BCKDHB: variants seen among roughly 807,000 people sequenced by gnomAD.
BCKDHB encodes the protein branched chain keto acid dehydrogenase E1 subunit beta.
In BCKDHB, 41 loss-of-function variants were observed where a neutral mutation model predicts 48.5. The ratio of observed to expected loss-of-function variants is 0.85; its 90% CI spans 0.66 to 1.10. BCKDHB has a LOEUF of 1.10. Ranked by LOEUF, BCKDHB falls within the 50% of genes least tolerant of loss-of-function variation. The probability of loss-of-function intolerance (pLI) is 0.00; values close to 1 mark genes in which losing one functional copy is unlikely to be tolerated. For missense variants in BCKDHB, 496 were observed against 494.2 expected, an observed-to-expected ratio of 1.00 and a Z score of -0.03; for synonymous variants, 201 against 174.8, an observed-to-expected ratio of 1.15 and a Z score of -1.18.
At chr6:80,315,136 G>A (rs1406688391) in intron 9 of BCKDHB, among the ~76,000 whole-genome samples, 1 of 152,134 alleles carries the variant, frequency 6.6e-6, no homozygotes, top group Non-Finnish European at 1.5e-5. Context: ...AGATTTAGCC[G>A]CCTTCCTAGG....
At chr6:80,176,823 T>G (rs1562111329) in intron 6 of BCKDHB, among the ~76,000 whole-genome samples, 1 of 152,024 alleles carries the variant, frequency 6.6e-6, no homozygotes, top group Non-Finnish European at 1.5e-5. Context: ...ACCCAGATAC[T>G]CCCACAGATA....
At chr6:80,463,707 A>G in the BCKDHB span, among the ~76,000 whole-genome samples, 1 of 152,208 alleles carries the variant, frequency 6.6e-6, no homozygotes, top group African/African-American at 2.4e-5. Flanking sequence ...GGCTTAAAAG[A>G]AAAACAGCTA....
chr6:80,306,033 T>A lies in BCKDHB; in HGVS notation c.1038+32812T>A, dbSNP rs181116749. Among the ~76,000 whole-genome samples, 68 of 152,324 alleles carry A rather than the reference T, an allele frequency of 4.5e-4. No individual in the cohort carries two copies. In the East Asian group the frequency reaches 0.011, roughly 25 times the overall value. On this transcript the variant is annotated intron_variant, in intron 9 of 9. Transcript: ENST00000320393. The stretch of plus-strand genomic sequence containing the variant: ...ATCTGGAAAATGGAAAAAATAGCAG[T>A]ACTTCTTCCATATGGCTATCGTGAA...
chr6:80,382,719 A>G, the BCKDHB span, among the ~76,000 whole-genome samples: 1 of 152,158 alleles, frequency 6.6e-6, no homozygotes, highest in Non-Finnish European at 1.5e-5. Context: ...TCCATTTGAA[A>G]TAGTCCTTCA....
At chr6:80,398,207 C>G in the BCKDHB span, among the ~76,000 whole-genome samples, 1 of 151,378 alleles carries the variant, frequency 6.6e-6, no homozygotes, top group African/African-American at 2.4e-5. Flanking sequence ...CCAAATATAA[C>G]AGAAGACAGG....
intron 8 of BCKDHB, among the ~76,000 whole-genome samples, chr6:80,217,150 A>G (rs1473377413): frequency 6.6e-6 from 1 of 152,118 alleles, no homozygotes; most frequent in African/African-American, 2.4e-5. Context: ...GCTGGGGCAG[A>G]GAAACTCTTG....
chr6:80,348,858 C>T (rs1056201110), downstream of BCKDHB, among the ~76,000 whole-genome samples: 1 of 152,020 alleles, frequency 6.6e-6, no homozygotes, highest in African/African-American at 2.4e-5. Flanking sequence ...AGAAAATATT[C>T]ATATATGGTT....
the BCKDHB span, chr6:80,453,317 T>C: frequency 1.3e-5 from 2 of 152,224 alleles, no homozygotes; most frequent in East Asian, 3.9e-4. Context: ...ATGTCACTTC[T>C]CACATTTCAT....
At chr6:80,336,788 T>G (rs958868352) in intron 9 of BCKDHB, among the ~76,000 whole-genome samples, 3 of 151,978 alleles carry the variant, frequency 2.0e-5, no homozygotes, top group Non-Finnish European at 4.4e-5. Context: ...TATCAATGAG[T>G]GTTTGTTCTG....
At chr6:80,147,806 C>T (rs1771562139) in intron 3 of BCKDHB, among the ~76,000 whole-genome samples, 1 of 152,086 alleles carries the variant, frequency 6.6e-6, no homozygotes, top group South Asian at 2.1e-4. Flanking sequence ...AGAACCACAG[C>T]ACCTATCTGA....
chr6:80,239,426 T>C (rs1307644424), intron 8 of BCKDHB, among the ~76,000 whole-genome samples: 1 of 152,220 alleles, frequency 6.6e-6, no homozygotes, highest in Non-Finnish European at 1.5e-5. Flanking sequence ...GTTCATATCC[T>C]TCGCCCACTT....
chr6:80,287,868 C>G (rs1173606237), intron 9 of BCKDHB, among the ~76,000 whole-genome samples: 2 of 152,164 alleles, frequency 1.3e-5, no homozygotes, highest in African/African-American at 4.8e-5. Context: ...TGGGACCCTT[C>G]CCTTACTTTC....
chr6:80,303,371 T>C (rs1456610022), intron 9 of BCKDHB, among the ~76,000 whole-genome samples: 2 of 152,020 alleles, frequency 1.3e-5, no homozygotes, highest in East Asian at 1.9e-4. Flanking sequence ...ACTGAATAAG[T>C]CTGGCAAAAA....
At chr6:80,443,118 C>T in the BCKDHB span, among the ~76,000 whole-genome samples, 1 of 152,146 alleles carries the variant, frequency 6.6e-6, no homozygotes, top group African/African-American at 2.4e-5. Context: ...TCAAGGCCAT[C>T]ATATGGCTCT....
chr6:80,401,777 A>T, the BCKDHB span, among the ~76,000 whole-genome samples: 1 of 151,806 alleles, frequency 6.6e-6, no homozygotes, highest in Admixed American at 6.6e-5. Flanking sequence ...TTTACGCTGT[A>T]CTTCTGTGAG....
At chr6:80,465,534 T>C in the BCKDHB span, among the ~76,000 whole-genome samples, 5 of 152,178 alleles carry the variant, frequency 3.3e-5, no homozygotes, top group Non-Finnish European at 7.4e-5. Flanking sequence ...TTTTGTCATT[T>C]CTCTTCATGG....
At chr6:80,186,928 C>G (rs1046417237) in intron 6 of BCKDHB, among the ~76,000 whole-genome samples, 1 of 152,208 alleles carries the variant, frequency 6.6e-6, no homozygotes, top group Non-Finnish European at 1.5e-5. Context: ...AGACTTTTCC[C>G]CCACTCACAC....
intron 8 of BCKDHB, among the ~76,000 whole-genome samples, chr6:80,213,533 C>T (rs1231766773): frequency 2.0e-5 from 3 of 152,124 alleles, no homozygotes; most frequent in Non-Finnish European, 4.4e-5. Context: ...CCACTGTGCA[C>T]TGCTTTAGAT....
the BCKDHB span, among the ~76,000 whole-genome samples, chr6:80,448,223 G>A: frequency 2.0e-5 from 3 of 152,178 alleles, no homozygotes; most frequent in East Asian, 5.8e-4. Context: ...GCAATTTAGG[G>A]TAGTGTAGCT....
Sources: gnomAD v4.1 joint callset for allele counts (sites outside exome capture counted in the v4.1 genomes callset) on GRCh38, gnomAD v4.1.1 for gene constraint, MANE v1.5 for transcripts, NCBI Gene and HGNC (gene_info 2026-07-23, HGNC 2026-07-21) for gene names.